The following ITFG1 variants were observed in gnomAD, a reference collection of about 807,000 sequenced individuals.
ITFG1 encodes integrin alpha FG-GAP repeat containing 1, also known as T-cell immunomodulatory protein.
Under a neutral mutation model 81.8 loss-of-function variants are expected in ITFG1, and 34 were observed. That is an observed-to-expected ratio of 0.42 (90% CI 0.32 to 0.55). ITFG1 has a LOEUF of 0.55. Ranked by LOEUF, ITFG1 falls within the 20% of genes least tolerant of loss-of-function variation. ITFG1 has a pLI of 0.17. For missense variants in ITFG1, 672 were observed against 755.4 expected, an observed-to-expected ratio of 0.89 and a Z score of 1.29; for synonymous variants, 285 against 270.6, an observed-to-expected ratio of 1.05 and a Z score of -0.52.
In ITFG1 at chr16:47,410,935, T is replaced by C. The variant is rs151125423; in HGVS notation, c.655+17869A>G. Among the ~76,000 whole-genome samples, 429 of 152,144 alleles carry C rather than the reference T, an allele frequency of 2.8e-3. 3 individuals carry two copies. Among genetic ancestry groups the C allele is most frequent in the African/African-American group, 9.5e-3 (393 of 41,490 alleles). ...CCAGGGCCAGGGAAAGAGCAGGGTA[T>C]GTTTGTTTGCCACCCCATCCGCCAG... On this transcript the variant is annotated intron_variant, in intron 6 of 17. Transcript: ENST00000320640.
intron 14 of ITFG1, among the ~76,000 whole-genome samples, chr16:47,178,186 T>C (rs576004294): frequency 6.6e-6 from 1 of 152,246 alleles, no homozygotes; most frequent in East Asian, 1.9e-4. Flanking sequence ...GTTACCCACA[T>C]AGAAAAAAGA....
In ITFG1 at chr16:47,309,875, T is replaced by G. The variant is rs184806676; in HGVS notation, c.1070+1365A>C. 1.2e-3 allele frequency among the ~76,000 whole-genome samples: 178 copies of G among 152,336 alleles called. 1 individual carries two copies. Among genetic ancestry groups the G allele is most frequent in the Non-Finnish European group, 2.9e-4 (20 of 68,028 alleles). ...ATTATTTACATATTCTAAGGATGAG[T>G]AATCACAGGATTAAATGAATTTAAA... is the stretch of plus-strand genomic sequence containing the variant. On this transcript the variant is annotated intron_variant, in intron 10 of 17. Transcript: ENST00000320640.
intron 5 of ITFG1, among the ~76,000 whole-genome samples, chr16:47,445,723 T>C (rs1969316523): frequency 6.6e-6 from 1 of 152,216 alleles, no homozygotes; most frequent in Non-Finnish European, 1.5e-5. Flanking sequence ...CTTCCAGGAT[T>C]GGATCTTAAG....
intron 6 of ITFG1, among the ~76,000 whole-genome samples, chr16:47,390,723 G>A (rs1350026280): frequency 6.6e-6 from 1 of 152,112 alleles, no homozygotes; most frequent in Non-Finnish European, 1.5e-5. Flanking sequence ...GCCTCTCAAA[G>A]TGCTGGGATT....
chr16:47,351,793 G>A (rs1185071696), intron 8 of ITFG1, among the ~76,000 whole-genome samples: 3 of 152,102 alleles, frequency 2.0e-5, no homozygotes, highest in Non-Finnish European at 2.9e-5. Flanking sequence ...GAGGCATCAC[G>A]CTACCTGACT....
intron 5 of ITFG1, among the ~76,000 whole-genome samples, chr16:47,430,057 CTTTTTT>C (rs920966590): frequency 8.2e-6 from 1 of 122,016 alleles, no homozygotes; most frequent in African/African-American, 3.0e-5. Context: ...TTTTACTTTT[CTTTTTT>C]TTTTTTTTTT....
At chr16:47,398,465 T>C (rs1968619632) in intron 6 of ITFG1, among the ~76,000 whole-genome samples, 1 of 152,244 alleles carries the variant, frequency 6.6e-6, no homozygotes, top group Non-Finnish European at 1.5e-5. Context: ...CTTAAGCTTC[T>C]AGATTTGTAC....
At chr16:47,219,769 G>T (rs772281919) in intron 13 of ITFG1, among the ~76,000 whole-genome samples, 2 of 152,118 alleles carry the variant, frequency 1.3e-5, no homozygotes, top group Non-Finnish European at 2.9e-5. Flanking sequence ...GAAGTAATAT[G>T]ATTTCATCAA....
At chr16:47,313,167 C>T (rs983503811) in intron 9 of ITFG1, 1 of 152,226 alleles carries the variant, frequency 6.6e-6, no homozygotes, top group Non-Finnish European at 1.5e-5. Context: ...TTTGTTTTCA[C>T]ATAAAATATG....
At position 47,232,185 on chromosome 16, in the gene ITFG1, G is replaced by T. The variant is rs116646100; in HGVS notation, c.1374+5780C>A. On this transcript the variant is annotated intron_variant, in intron 13 of 17. Transcript: ENST00000320640. The stretch of plus-strand genomic sequence containing the variant: ...GCTTCCAACCTCTAGAACTGTAAGA[G>T]AATAAATCTGTGTTGTGTTAAGCCA... Among the ~76,000 whole-genome samples the T allele has an allele frequency of 1.2e-3, 180 of 152,298 alleles. 1 individual carries two copies. Among genetic ancestry groups the T allele is most frequent in the African/African-American group, 4.2e-3 (173 of 41,558 alleles).
intron 14 of ITFG1, among the ~76,000 whole-genome samples, chr16:47,165,248 C>T (rs905822394): frequency 6.6e-6 from 1 of 152,102 alleles, no homozygotes; most frequent in African/African-American, 2.4e-5. Flanking sequence ...TTCAAGGGGA[C>T]TCTGCTAAAC....
chr16:47,409,772 T>C (rs933377241), intron 6 of ITFG1, among the ~76,000 whole-genome samples: 2 of 151,722 alleles, frequency 1.3e-5, no homozygotes, highest in South Asian at 4.2e-4. Flanking sequence ...AATGGCACTT[T>C]CCAAGCATGA....
chr16:47,171,181 A>G (rs1174882307), intron 14 of ITFG1, among the ~76,000 whole-genome samples: 1 of 151,562 alleles, frequency 6.6e-6, no homozygotes, highest in Non-Finnish European at 1.5e-5. Flanking sequence ...CACATGGCTA[A>G]TTTTTTTGTA....
intron 12 of ITFG1, among the ~76,000 whole-genome samples, chr16:47,246,727 T>G (rs925616056): frequency 2.0e-5 from 3 of 152,186 alleles, no homozygotes; most frequent in African/African-American, 7.2e-5. Flanking sequence ...ATGATACTGC[T>G]TTTGTTAAGG....
In ITFG1 at chr16:47,393,620, A is replaced by G. The variant is rs114244406; in HGVS notation, c.656-17680T>C. ...GTGGCAAGAACTTGTAGTTCCAGCT[A>G]CTAGGGAGGCTGAGGCATAAGAATC... On this transcript the variant is annotated intron_variant, in intron 6 of 17. Transcript: ENST00000320640. 7.1e-3 allele frequency among the ~76,000 whole-genome samples: 1,087 copies of G among 152,236 alleles called. 17 individuals carry two copies. Among genetic ancestry groups the G allele is most frequent in the African/African-American group, 0.025 (1,043 of 41,544 alleles).
chr16:47,391,605 AT>A (rs1968532373), intron 6 of ITFG1, among the ~76,000 whole-genome samples: 1 of 152,200 alleles, frequency 6.6e-6, no homozygotes, highest in Non-Finnish European at 1.5e-5. Context: ...GTTCTTTCAA[AT>A]TCTTTCAGAA....
chr16:47,355,341 T>C (rs1027922122), intron 8 of ITFG1, among the ~76,000 whole-genome samples: 10 of 152,122 alleles, frequency 6.6e-5, no homozygotes, highest in Admixed American at 5.2e-4. Flanking sequence ...CTAAAATAAG[T>C]AGATCTCATA....
Position 47,240,227 on chromosome 16 carries a change from C to T in ITFG1, c.1331-2219G>A, listed in dbSNP as rs747071539. 5.4e-4 allele frequency among the ~76,000 whole-genome samples: 77 copies of T among 142,528 alleles called. 1 individual carries two copies. The highest frequency in any genetic ancestry group is 4.7e-3 in the Admixed American group (63 of 13,354). The allele number at this position is 142,528 out of a possible 152,430, so 93.5% of individuals were successfully genotyped here. The stretch of plus-strand genomic sequence containing the variant: ...GAGAAGGATCACTTGAGCCGGGAAG[C>T]AGAGGCTGCAGTGATCTGAGATCAC... On this transcript the variant is annotated intron_variant, in intron 12 of 17. Transcript: ENST00000320640.
At chr16:47,278,860 AT>A (rs1455004539) in intron 10 of ITFG1, among the ~76,000 whole-genome samples, 6 of 152,208 alleles carry the variant, frequency 3.9e-5, no homozygotes, top group African/African-American at 1.4e-4. Context: ...TGTACAATTT[AT>A]GATAAGGGAA....
Sources: gnomAD v4.1 joint callset for allele counts (sites outside exome capture counted in the v4.1 genomes callset) on GRCh38, gnomAD v4.1.1 for gene constraint, MANE v1.5 for transcripts, NCBI Gene and HGNC (gene_info 2026-07-23, HGNC 2026-07-21) for gene names.